Variants in SETBP1 observed in about 807,000 individuals in gnomAD.
SETBP1 encodes SET binding protein 1, also known as SET-binding protein.
A neutral mutation model predicts 101.0 loss-of-function variants in SETBP1; 9 were observed. That is an observed-to-expected ratio of 0.09 (90% CI 0.05 to 0.16). The LOEUF (loss-of-function observed/expected upper bound fraction) is 0.16, where lower values mean the gene tolerates loss of function less well. Among genes scored for constraint, SETBP1 ranks in the 10% least tolerant of loss-of-function variants. SETBP1 has a pLI of 1.00. For synonymous variants in SETBP1, 818 were observed against 788.5 expected, an observed-to-expected ratio of 1.04 and a Z score of -0.63; for missense variants, 1,858 against 2,033.8, an observed-to-expected ratio of 0.91 and a Z score of 1.66.
chr18:44,853,734 G>T (rs750299476), intron 2 of SETBP1, among the ~76,000 whole-genome samples: 1 of 152,222 alleles, frequency 6.6e-6, no homozygotes, highest in Admixed American at 6.5e-5. Flanking sequence ...ACAGGATTTG[G>T]ATTAGAATCC....
chr18:44,995,529 T>TTGTGTGTGTGTG (rs60256060), intron 4 of SETBP1, among the ~76,000 whole-genome samples: 155 of 142,962 alleles, frequency 1.1e-3, no homozygotes, highest in Non-Finnish European at 1.7e-3. Flanking sequence ...GTCCAGGCTT[T>TTGTGTGTGTGTG]TGTGTGTGTG....
chr18:44,978,785 A>T (rs1365116671), intron 4 of SETBP1, among the ~76,000 whole-genome samples: 2 of 152,178 alleles, frequency 1.3e-5, no homozygotes, highest in African/African-American at 2.4e-5. Context: ...GCTGCCCATG[A>T]TGGCCTGCAG....
intron 2 of SETBP1, among the ~76,000 whole-genome samples, chr18:44,739,883 G>A (rs552357907): frequency 6.6e-6 from 1 of 152,250 alleles, no homozygotes; most frequent in South Asian, 2.1e-4. Context: ...GGAAGTGGAG[G>A]GGTTCCCATG....
intron 4 of SETBP1, among the ~76,000 whole-genome samples, chr18:44,991,861 T>TA (rs2072385755): frequency 6.6e-6 from 1 of 152,166 alleles, no homozygotes; most frequent in South Asian, 2.1e-4. Context: ...AGAACAATAA[T>TA]AAAAATTGAT....
chr18:44,952,065 A>G lies in SETBP1; in HGVS notation c.2725A>G (p.Thr909Ala), dbSNP rs1599368930. 6.2e-7 allele frequency: 1 copy of G among 1,614,130 alleles called. No individual in the cohort carries two copies. Among genetic ancestry groups the G allele is most frequent in the African/African-American group, 1.3e-5 (1 of 75,034 alleles). The change falls in exon 4 of 6, where the codon ACC becomes GCC. Residue 909 changes from threonine to alanine, a missense_variant. By Grantham distance (58) the Thr-to-Ala change is moderately conservative. Transcript: ENST00000649279. ...CAACCCGGAGGCCATTCCGTCCGACACCAGCACAAAGAACCGGCATGGCCA... is the reference window on the plus strand; with the variant it reads ...CAACCCGGAGGCCATTCCGTCCGACGCCAGCACAAAGAACCGGCATGGCCA... ...LDNPEAIPSD[T>A]STKNRHGHRQ...
At chr18:44,870,448 G>C (rs187061704) in intron 3 of SETBP1, 1 of 152,298 alleles carries the variant, frequency 6.6e-6, no homozygotes, top group Admixed American at 6.5e-5. Context: ...AGATAGATTC[G>C]CACACCAGTG....
intron 3 of SETBP1, among the ~76,000 whole-genome samples, chr18:44,918,496 T>C (rs1314850581): frequency 6.6e-6 from 1 of 152,228 alleles, no homozygotes; most frequent in Non-Finnish European, 1.5e-5. Context: ...GCCATTGGAC[T>C]ATCAAGAAAT....
chr18:44,883,078 C>T (rs1261280746), intron 3 of SETBP1, among the ~76,000 whole-genome samples: 1 of 152,162 alleles, frequency 6.6e-6, no homozygotes, highest in African/African-American at 2.4e-5. Flanking sequence ...ACTTCACCAC[C>T]TATGGCAGAG....
intron 2 of SETBP1, among the ~76,000 whole-genome samples, chr18:44,766,265 T>C (rs2070762165): frequency 6.6e-6 from 1 of 152,236 alleles, no homozygotes; most frequent in South Asian, 2.1e-4. Flanking sequence ...GGGGCTTGGC[T>C]TCAGTTCTGG....
intron 3 of SETBP1, among the ~76,000 whole-genome samples, chr18:44,875,666 G>A (rs757735265): frequency 1.3e-5 from 2 of 151,928 alleles, no homozygotes; most frequent in East Asian, 3.9e-4. Flanking sequence ...CATATACCAA[G>A]GACTTAGTAT....
chr18:44,703,607 A>T (rs1297976610), intron 2 of SETBP1, among the ~76,000 whole-genome samples: 1 of 152,024 alleles, frequency 6.6e-6, no homozygotes. Context: ...TTCTGCATCC[A>T]GGAATTGCCC....
rs1478061080 is a variant in SETBP1 at position 44,791,585 on chromosome 18, G to A, written c.487-77645G>A. 2.6e-5 allele frequency among the ~76,000 whole-genome samples: 4 copies of A among 152,116 alleles called. No homozygotes were observed. The South Asian group carries it at 6.2e-4, about 24-fold the overall frequency. On this transcript the variant is annotated intron_variant, in intron 2 of 5. Coordinates refer to ENST00000649279, the MANE Select transcript of SETBP1 (RefSeq NM_015559.3). The stretch of plus-strand genomic sequence containing the variant: ...ACCACTCACTTTCCCTGAATTTTCA[G>A]CATTTAGGAGAAATTTCCATGGAGA...
chr18:44,735,627 G>A (rs937678393), intron 2 of SETBP1, among the ~76,000 whole-genome samples: 2 of 152,198 alleles, frequency 1.3e-5, no homozygotes, highest in Non-Finnish European at 2.9e-5. Flanking sequence ...AGGGCACAGG[G>A]AGGGTCAGAT....
chr18:44,914,607 G>C (rs1479653441), intron 3 of SETBP1, among the ~76,000 whole-genome samples: 1 of 152,174 alleles, frequency 6.6e-6, no homozygotes, highest in African/African-American at 2.4e-5. Flanking sequence ...AATAGTCTAT[G>C]TAATCAAATG....
chr18:44,902,229 TC>T (rs2070064869), intron 3 of SETBP1, among the ~76,000 whole-genome samples: 1 of 42,588 alleles, frequency 2.3e-5, no homozygotes, highest in African/African-American at 1.1e-4. Context: ...TATATCTCTC[TC>T]TTTCTCTCTC....
At chr18:44,972,667 G>T (rs1416453599) in intron 4 of SETBP1, among the ~76,000 whole-genome samples, 3 of 152,068 alleles carry the variant, frequency 2.0e-5, no homozygotes, top group African/African-American at 7.3e-5. Flanking sequence ...TCATGATTTG[G>T]CTCTCTGTTT....
intron 3 of SETBP1, among the ~76,000 whole-genome samples, chr18:44,885,185 C>T (rs969971961): frequency 2.0e-5 from 3 of 152,094 alleles, no homozygotes; most frequent in Non-Finnish European, 4.4e-5. Flanking sequence ...CCCTTTGCAA[C>T]CTTAGCTCTC....
At chr18:44,721,768 C>T (rs1052254758) in intron 2 of SETBP1, among the ~76,000 whole-genome samples, 1 of 152,104 alleles carries the variant, frequency 6.6e-6, no homozygotes, top group East Asian at 1.9e-4. Context: ...ATGCATATGG[C>T]CATGAGGGGG....
intron 4 of SETBP1, among the ~76,000 whole-genome samples, chr18:45,007,043 C>T (rs990864565): frequency 3.3e-5 from 5 of 152,126 alleles, no homozygotes; most frequent in Non-Finnish European, 5.9e-5. Flanking sequence ...TCAAAATATG[C>T]CCCACTTCCC....
Sources: allele counts gnomAD v4.1 joint callset (sites outside exome capture counted in the v4.1 genomes callset), GRCh38; gene constraint gnomAD v4.1.1; transcripts MANE v1.5; gene names NCBI Gene and HGNC (gene_info 2026-07-23, HGNC 2026-07-21).